Variants in BCAS3 observed in about 807,000 individuals in gnomAD.
The protein encoded by BCAS3 is BCAS3 microtubule associated cell migration factor, also known as BCAS4/BCAS3 fusion.
Under a neutral mutation model 116.1 loss-of-function variants are expected in BCAS3, and 53 were observed. The observed-to-expected ratio is 0.46, with a 90% CI of 0.37 to 0.57. The LOEUF (loss-of-function observed/expected upper bound fraction) is 0.57, where lower values mean the gene tolerates loss of function less well. Ranked by LOEUF, BCAS3 falls within the 20% of genes least tolerant of loss-of-function variation. The probability of loss-of-function intolerance (pLI) is 0.00; values close to 1 mark genes in which losing one functional copy is unlikely to be tolerated. For missense variants in BCAS3, 917 were observed against 1,165.4 expected (o/e 0.79, Z 3.10); for synonymous variants, 391 against 408.2 (o/e 0.96, Z 0.51).
chr17:60,820,980 CTT>C (rs1386570640), intron 7 of BCAS3, among the ~76,000 whole-genome samples: 2 of 152,050 alleles, frequency 1.3e-5, no homozygotes, highest in African/African-American at 4.8e-5. Context: ...GAGTTTTGCT[CTT>C]GTCGCCCAGG....
Position 61,380,526 on chromosome 17 carries a change from G to A in BCAS3, c.2594-11451G>A. The A allele has an allele frequency of 2.5e-6, 4 of 1,598,228 alleles. No homozygotes were observed. The South Asian group carries it at 4.4e-5, about 18-fold the overall frequency. The stretch of plus-strand genomic sequence containing the variant: ...TACAGACACAGCCCTTGACGTAGCA[G>A]TAAAAACCTTCCCCCCTGAGAGACA... On this transcript the variant is annotated intron_variant, in intron 23 of 23. Coordinates refer to ENST00000407086, the MANE Select transcript of BCAS3 (RefSeq NM_017679.5). The surrounding 1 kb of genome is among the most constrained non-coding windows in gnomAD (Gnocchi z 4.2).
intron 6 of BCAS3, among the ~76,000 whole-genome samples, chr17:60,789,953 T>C (rs546107277): frequency 1.3e-5 from 2 of 149,828 alleles, no homozygotes; most frequent in South Asian, 4.2e-4. Flanking sequence ...AATGAGAATA[T>C]TTTTTTTTTC....
intron 19 of BCAS3, among the ~76,000 whole-genome samples, chr17:61,055,150 T>C (rs1311866291): frequency 6.6e-6 from 1 of 152,234 alleles, no homozygotes; most frequent in African/African-American, 2.4e-5. Flanking sequence ...ATGGTCTGTC[T>C]GTGCTTACCT....
At chr17:60,741,662 A>G (rs1248633561) in intron 5 of BCAS3, among the ~76,000 whole-genome samples, 4 of 152,198 alleles carry the variant, frequency 2.6e-5, no homozygotes, top group Non-Finnish European at 4.4e-5. Context: ...CCATGCATCT[A>G]TTGATTTAAA....
At chr17:60,690,447 G>A (rs918515659) in intron 4 of BCAS3, among the ~76,000 whole-genome samples, 2 of 152,148 alleles carry the variant, frequency 1.3e-5, no homozygotes, top group African/African-American at 2.4e-5. Flanking sequence ...GTGTGTGCCT[G>A]TAGTTTCAGC....
At chr17:61,230,162 C>T (rs548437673) in intron 22 of BCAS3, among the ~76,000 whole-genome samples, 3,184 of 151,978 alleles carry the variant, frequency 0.021, 110 homozygotes, top group African/African-American at 0.073. Flanking sequence ...CACACACACA[C>T]ACACACACAC....
chr17:61,013,836 C>A lies in BCAS3; in HGVS notation c.1487-1915C>A, dbSNP rs2065262249. Among the ~76,000 whole-genome samples the A allele has an allele frequency of 1.3e-5, 2 of 152,016 alleles. No homozygotes were observed. The highest frequency in any genetic ancestry group is 4.8e-5 in the African/African-American group (2 of 41,394). Reference sequence around the variant, plus strand: ...AGGAAGAAGTAACATTTGGTTAAGCCACTATCCTAATTCTGAAGCCACTGT... The same window carrying A: ...AGGAAGAAGTAACATTTGGTTAAGCAACTATCCTAATTCTGAAGCCACTGT... On this transcript the variant is annotated intron_variant, in intron 15 of 23. Transcript: ENST00000407086. The surrounding 1 kb of genome is among the most constrained non-coding windows in gnomAD (Gnocchi z 4.4).
chr17:60,865,549 A>G (rs1212950318), intron 7 of BCAS3, among the ~76,000 whole-genome samples: 2 of 152,174 alleles, frequency 1.3e-5, no homozygotes, highest in African/African-American at 4.8e-5. Context: ...TGCTATTGCA[A>G]ATACTTTCAG....
chr17:61,150,987 G>C (rs2077510081), intron 22 of BCAS3, among the ~76,000 whole-genome samples: 1 of 152,262 alleles, frequency 6.6e-6, no homozygotes, highest in Middle Eastern at 3.4e-3. Flanking sequence ...CTTTAATTCT[G>C]ATAAGGCCCT....
At chr17:61,329,003 T>C (rs1390487550) in intron 22 of BCAS3, among the ~76,000 whole-genome samples, 2 of 148,308 alleles carry the variant, frequency 1.3e-5, no homozygotes, top group Non-Finnish European at 3.0e-5. Flanking sequence ...CAAGCAATTC[T>C]CCTGCCTCAG....
chr17:60,851,533 G>T, intron 7 of BCAS3: 1 of 609,046 alleles, frequency 1.6e-6, no homozygotes, highest in South Asian at 1.6e-5. Context: ...CATCTGTAAA[G>T]CTCTACATGT....
intron 4 of BCAS3, among the ~76,000 whole-genome samples, chr17:60,690,768 A>G (rs2034701405): frequency 6.6e-6 from 1 of 151,426 alleles, no homozygotes; most frequent in South Asian, 2.1e-4. Flanking sequence ...TAAAAATACA[A>G]AATTAGTCGG....
intron 23 of BCAS3, among the ~76,000 whole-genome samples, chr17:61,370,704 T>G (rs1349605946): frequency 1.3e-5 from 2 of 152,222 alleles, no homozygotes; most frequent in African/African-American, 4.8e-5. Context: ...ACTCCCATTT[T>G]AAAGGCCAGT....
rs891248746 is a variant in BCAS3, at chr17:61,286,985, G to T, written c.2426-81342G>T. Among the ~76,000 whole-genome samples the T allele has an allele frequency of 6.6e-6, 1 of 151,758 alleles. No individual in the cohort carries two copies. Among genetic ancestry groups the T allele is most frequent in the Admixed American group, 6.6e-5 (1 of 15,234 alleles). ...CTATGGAGGCCAGGCGTGGTGGCTC[G>T]CGCCTGTAATCCCAGCACTTTGGGA... On this transcript the variant is annotated intron_variant, in intron 22 of 23. Coordinates refer to ENST00000407086, the MANE Select transcript of BCAS3 (RefSeq NM_017679.5). The surrounding 1 kb of genome is among the most constrained non-coding windows in gnomAD (Gnocchi z 4.8).
intron 22 of BCAS3, among the ~76,000 whole-genome samples, chr17:61,321,672 G>C (rs2055225549): frequency 6.6e-6 from 1 of 152,086 alleles, no homozygotes. Flanking sequence ...TTATCATCAG[G>C]GATTCTTCAC....
In BCAS3 at chr17:61,139,958, G is replaced by A. The variant is rs1158165950; in HGVS notation, c.2425+55394G>A. ...TGTCAAGACACAAAGTGATATGACCGGGCACAGTGGCTCACGCCTGTAATC... is the reference window on the plus strand; with the variant it reads ...TGTCAAGACACAAAGTGATATGACCAGGCACAGTGGCTCACGCCTGTAATC... On this transcript the variant is annotated intron_variant, in intron 22 of 23. Transcript: ENST00000407086. This position sits in a 1 kb window ranked among gnomAD's most constrained non-coding sequence, Gnocchi z 4.7. 1.3e-5 allele frequency among the ~76,000 whole-genome samples: 2 copies of A among 152,144 alleles called. No individual in the cohort carries two copies. Among genetic ancestry groups the A allele is most frequent in the African/African-American group, 4.8e-5 (2 of 41,424 alleles).
At chr17:61,091,844 G>A (rs2073598353) in intron 22 of BCAS3, among the ~76,000 whole-genome samples, 1 of 152,180 alleles carries the variant, frequency 6.6e-6, no homozygotes, top group Non-Finnish European at 1.5e-5. Flanking sequence ...TTGAAACATG[G>A]ATGAACCTGT....
rs1428297256 is a variant in BCAS3 at position 60,962,315 on chromosome 17, GTCTCT to G, written c.1221+14968_1221+14972del. On this transcript the variant is annotated intron_variant, in intron 14 of 23. Coordinates refer to ENST00000407086, the MANE Select transcript of BCAS3 (RefSeq NM_017679.5). This position sits in a 1 kb window ranked among gnomAD's most constrained non-coding sequence, Gnocchi z 4.4. ...ACATTTCCACCAGCAGTGTGCAAGGGTCTCTTCTCCACATTCTCACCAGCATCTTT... is the reference window on the plus strand; with the variant it reads ...ACATTTCCACCAGCAGTGTGCAAGGGTCTCCACATTCTCACCAGCATCTTT... Among the ~76,000 whole-genome samples, 1 of 152,070 alleles carries G rather than the reference GTCTCT, an allele frequency of 6.6e-6. No individual in the cohort carries two copies.
chr17:60,705,186 G>A (rs535285967), intron 4 of BCAS3, among the ~76,000 whole-genome samples: 13 of 152,204 alleles, frequency 8.5e-5, no homozygotes, highest in Admixed American at 3.3e-4. Context: ...CAAATGTTTT[G>A]CATGACTTAC....
Sources: gnomAD v4.1 joint callset for allele counts (sites outside exome capture counted in the v4.1 genomes callset) on GRCh38, gnomAD v4.1.1 for gene constraint, Gnocchi (gnomAD v3.1) non-coding constraint, MANE v1.5 for transcripts, NCBI Gene and HGNC (gene_info 2026-07-23, HGNC 2026-07-21) for gene names.